The following TAS2R1 variants were observed in gnomAD, a reference collection of about 807,000 sequenced individuals.
TAS2R1 encodes the protein taste 2 receptor member 1.
For missense variants in TAS2R1, 370 were observed against 353.4 expected, an observed-to-expected ratio of 1.05 and a Z score of -0.38; for synonymous variants, 141 against 134.2, an observed-to-expected ratio of 1.05 and a Z score of -0.35.
the TAS2R1 span, among the ~76,000 whole-genome samples, chr5:9,812,125 T>G: frequency 1.3e-5 from 2 of 152,060 alleles, no homozygotes; most frequent in African/African-American, 4.8e-5. Flanking sequence ...ACCATTATGT[T>G]TATCTGTATT....
the TAS2R1 span, among the ~76,000 whole-genome samples, chr5:9,736,313 C>A: frequency 6.6e-6 from 1 of 152,216 alleles, no homozygotes; most frequent in African/African-American, 2.4e-5. Context: ...TATGGTCTAG[C>A]AGGACAGCGT....
chr5:9,740,227 C>T, the TAS2R1 span, among the ~76,000 whole-genome samples: 5 of 152,264 alleles, frequency 3.3e-5, no homozygotes, highest in East Asian at 9.7e-4. Flanking sequence ...TAGAATTTCC[C>T]TCACTTATTT....
At chr5:9,739,079 G>A in the TAS2R1 span, among the ~76,000 whole-genome samples, 8 of 152,168 alleles carry the variant, frequency 5.3e-5, no homozygotes, top group Non-Finnish European at 1.0e-4. Context: ...CAGAAACAAA[G>A]AAGACAGCCT....
intron 2 of TAS2R1, among the ~76,000 whole-genome samples, chr5:9,650,546 G>A (rs552157119): frequency 6.6e-6 from 1 of 152,156 alleles, no homozygotes; most frequent in Non-Finnish European, 1.5e-5. Context: ...GCACACCAAG[G>A]CCAGGGTGGA....
chr5:9,709,192 AAAAAAAAAAAAAG>A (rs1458773264), intron 1 of TAS2R1, among the ~76,000 whole-genome samples: 3 of 151,762 alleles, frequency 2.0e-5, no homozygotes, highest in African/African-American at 7.3e-5. Context: ...AAAGTAGAAA[AAAAAAAAAAAAAG>A]AAAAGAAAAC....
intron 1 of TAS2R1, among the ~76,000 whole-genome samples, chr5:9,703,852 A>G (rs1307459304): frequency 1.2e-4 from 18 of 152,220 alleles, no homozygotes; most frequent in Non-Finnish European, 2.9e-5. Flanking sequence ...AAGGTAAAGC[A>G]TAGCTGCTCT....
the TAS2R1 span, among the ~76,000 whole-genome samples, chr5:9,850,024 C>A: frequency 6.6e-6 from 1 of 152,190 alleles, no homozygotes; most frequent in Non-Finnish European, 1.5e-5. Flanking sequence ...CTCAAGCACT[C>A]CACTGTCTCT....
At chr5:9,646,933 T>C (rs921564106) in intron 2 of TAS2R1, among the ~76,000 whole-genome samples, 1 of 152,188 alleles carries the variant, frequency 6.6e-6, no homozygotes, top group Non-Finnish European at 1.5e-5. Flanking sequence ...TAGGAAGTCA[T>C]TGCTAGCCAA....
rs1047198072 is a variant in TAS2R1 at position 9,630,126 on chromosome 5, C to A, written c.-94G>T. 1.9e-5 allele frequency: 20 copies of A among 1,055,258 alleles called. No individual in the cohort carries two copies. The Admixed American group carries it at 3.4e-4, about 18-fold the overall frequency. 65.4% of individuals were successfully genotyped at this position (1,055,258 alleles called of 1,614,324 possible). The stretch of plus-strand genomic sequence containing the variant: ...CACGCTCTTCAATTAGATCAGGACT[C>A]CTCTGGGGAAGAAGACTAACAATAA... On this transcript the variant is annotated 5_prime_UTR_variant, in exon 1 of 1. Transcript: ENST00000382492.
chr5:9,827,088 C>CA, the TAS2R1 span, among the ~76,000 whole-genome samples: 1 of 152,174 alleles, frequency 6.6e-6, no homozygotes, highest in Non-Finnish European at 1.5e-5. Flanking sequence ...GACAGGATGT[C>CA]TCCCTTTTCC....
At chr5:9,830,210 T>TGGATGGAC in the TAS2R1 span, among the ~76,000 whole-genome samples, 15 of 151,660 alleles carry the variant, frequency 9.9e-5, no homozygotes, top group South Asian at 2.1e-4. Context: ...GATGGATGGA[T>TGGATGGAC]AGACAGATAG....
chr5:9,898,066 T>C, the TAS2R1 span, among the ~76,000 whole-genome samples: 20 of 152,228 alleles, frequency 1.3e-4, no homozygotes, highest in African/African-American at 3.6e-4. Context: ...CATCCTTGTG[T>C]TCCTAATGAC....
the TAS2R1 span, among the ~76,000 whole-genome samples, chr5:9,788,370 C>T: frequency 1.3e-5 from 2 of 152,212 alleles, no homozygotes; most frequent in East Asian, 3.9e-4. Context: ...CAAGCTGGGG[C>T]TGCACGGATG....
At chr5:9,807,468 C>T in the TAS2R1 span, among the ~76,000 whole-genome samples, 1 of 152,144 alleles carries the variant, frequency 6.6e-6, no homozygotes, top group African/African-American at 2.4e-5. Flanking sequence ...TATAGCAGCA[C>T]AATTTGCAAT....
At chr5:9,755,686 T>C in the TAS2R1 span, among the ~76,000 whole-genome samples, 14 of 152,260 alleles carry the variant, frequency 9.2e-5, no homozygotes, top group African/African-American at 3.1e-4. Context: ...TCCGTTTTTA[T>C]AGTTATTTCT....
intron 1 of TAS2R1, among the ~76,000 whole-genome samples, chr5:9,690,544 C>T (rs1455447565): frequency 2.0e-5 from 3 of 151,982 alleles, no homozygotes; most frequent in Non-Finnish European, 4.4e-5. Context: ...AAATAACCTT[C>T]GTGTTGTCTA....
the TAS2R1 span, among the ~76,000 whole-genome samples, chr5:9,869,704 T>A: frequency 4.6e-5 from 7 of 152,236 alleles, no homozygotes; most frequent in African/African-American, 1.7e-4. Flanking sequence ...GTGACTCCAC[T>A]GGGACTAGAT....
chr5:9,660,958 T>G (rs1413302043), intron 1 of TAS2R1, among the ~76,000 whole-genome samples: 2 of 152,204 alleles, frequency 1.3e-5, no homozygotes, highest in Non-Finnish European at 2.9e-5. Context: ...CCGTAGGAAC[T>G]AAATTTTGCC....
intron 1 of TAS2R1, among the ~76,000 whole-genome samples, chr5:9,683,965 G>A (rs1386287473): frequency 1.3e-5 from 2 of 152,188 alleles, no homozygotes; most frequent in Admixed American, 6.6e-5. Context: ...AGAGGTAAAG[G>A]TAGGTGATGA....
Sources: allele counts gnomAD v4.1 joint callset (sites outside exome capture counted in the v4.1 genomes callset), GRCh38; gene constraint gnomAD v4.1.1; transcripts MANE v1.5; gene names NCBI Gene and HGNC (gene_info 2026-07-23, HGNC 2026-07-21).